Variants in APOOL observed in about 807,000 individuals in gnomAD.
The protein encoded by APOOL is apolipoprotein O like.
In APOOL, 12 loss-of-function variants were observed where a neutral mutation model predicts 23.1. The ratio of observed to expected loss-of-function variants is 0.52; its 90% CI spans 0.33 to 0.84. The LOEUF (loss-of-function observed/expected upper bound fraction) is 0.84. Among genes scored for constraint, APOOL ranks in the 40% least tolerant of loss-of-function variants. APOOL has a pLI of 0.02. For missense variants in APOOL, 212 were observed against 199.6 expected (o/e 1.06, Z -0.37); for synonymous variants, 77 against 69.9 (o/e 1.10, Z -0.51).
intron 1 of APOOL, 61 bp from the exon 2 acceptor site, chrX:85,046,385 T>C: frequency 1.1e-6 from 1 of 945,423 alleles, no homozygotes; most frequent in Non-Finnish European, 1.5e-6. Flanking sequence ...CAGTATTTAT[T>C]AGGAAATGGA....
intron 8 of APOOL, among the ~76,000 whole-genome samples, chrX:85,084,788 T>C (rs1420448059): frequency 4.5e-5 from 5 of 111,942 alleles, no homozygotes; most frequent in African/African-American, 1.6e-4. Flanking sequence ...TTCACCAAAC[T>C]TTGAACAAGA....
intron 2 of APOOL, among the ~76,000 whole-genome samples, chrX:85,047,651 T>A (rs1185649252): frequency 2.7e-5 from 3 of 111,503 alleles, no homozygotes; most frequent in Non-Finnish European, 5.7e-5. Flanking sequence ...TTGAACTTTT[T>A]GGACTCTGTT....
intron 8 of APOOL, among the ~76,000 whole-genome samples, chrX:85,077,628 T>C (rs1374554826): frequency 9.0e-6 from 1 of 111,624 alleles, no homozygotes; most frequent in Non-Finnish European, 1.9e-5. Flanking sequence ...TACCCAGTAA[T>C]GGGATGGCTG....
intron 1 of APOOL, among the ~76,000 whole-genome samples, chrX:85,007,451 G>T (rs914855757): frequency 9.0e-6 from 1 of 111,467 alleles, no homozygotes; most frequent in African/African-American, 3.3e-5. Context: ...TGAGAAAGAA[G>T]AACTAGTTCA....
chrX:85,027,464 C>T (rs772367060), intron 1 of APOOL, among the ~76,000 whole-genome samples: 13 of 111,609 alleles, frequency 1.2e-4, no homozygotes, highest in African/African-American at 3.9e-4. Flanking sequence ...ACTTCACAAC[C>T]CCACTTCACG....
chrX:85,058,705 T>A (rs1156262338), intron 5 of APOOL, among the ~76,000 whole-genome samples: 1 of 111,279 alleles, frequency 9.0e-6, no homozygotes, highest in Non-Finnish European at 1.9e-5. Flanking sequence ...TGTAAAAGTG[T>A]TCGTTTCTCT....
At chrX:85,052,108 C>T (rs1922802859) in intron 3 of APOOL, among the ~76,000 whole-genome samples, 1 of 112,182 alleles carries the variant, frequency 8.9e-6, no homozygotes, top group Admixed American at 9.5e-5. Flanking sequence ...CCTACTCTAC[C>T]ACTACTGCAT....
rs193255610 is a variant in APOOL at position 85,008,402 on chromosome X, C to T, written c.15+4475C>T. Among the ~76,000 whole-genome samples, 90 of 111,729 alleles carry T rather than the reference C, an allele frequency of 8.1e-4. 1 individual carries two copies. Among genetic ancestry groups the T allele is most frequent in the Admixed American group, 2.4e-3 (25 of 10,487 alleles). On this transcript the variant is annotated intron_variant, in intron 1 of 8. Coordinates refer to ENST00000373173, the MANE Select transcript of APOOL (RefSeq NM_198450.6). ...GTGAGTTCAACTTCTCAAAATTCCA[C>T]GTACAAATAAAATCAGGCAGTTTGT...
chrX:85,060,906 T>A (rs1569458419), intron 5 of APOOL, among the ~76,000 whole-genome samples: 1 of 111,292 alleles, frequency 9.0e-6, no homozygotes. Flanking sequence ...GGCCGGAACT[T>A]CCAACACTGT....
chrX:85,042,197 CA>C (rs745811893), intron 1 of APOOL, among the ~76,000 whole-genome samples: 4 of 111,885 alleles, frequency 3.6e-5, no homozygotes, highest in African/African-American at 1.3e-4. Context: ...ATGAAATTTA[CA>C]AACCTTTAGC....
chrX:85,036,896 T>G (rs918892259), intron 1 of APOOL, among the ~76,000 whole-genome samples: 1 of 110,607 alleles, frequency 9.0e-6, no homozygotes. Flanking sequence ...ATTGTTATTA[T>G]GTCTTGCATC....
rs745714662 is a variant in APOOL, at chrX:85,033,148, A to G, written c.16-13298A>G. On this transcript the variant is annotated intron_variant, in intron 1 of 8. Transcript: ENST00000373173. ...GCTTTGTGGGCAGGGTGACATGCTC[A>G]GTGAATCAAAGGCAGCCTTTTTCCA... Among the ~76,000 whole-genome samples the G allele has an allele frequency of 2.9e-4, 32 of 112,193 alleles. 1 individual carries two copies. Among genetic ancestry groups the G allele is most frequent in the Non-Finnish European group, 4.5e-4 (24 of 53,225 alleles).
chrX:85,029,386 G>T (rs1446529125), intron 1 of APOOL, among the ~76,000 whole-genome samples: 1 of 111,770 alleles, frequency 8.9e-6, no homozygotes, highest in Non-Finnish European at 1.9e-5. Context: ...ATACTAAATT[G>T]GTAATAGGTA....
intron 1 of APOOL, among the ~76,000 whole-genome samples, chrX:85,013,200 C>T (rs1242099947): frequency 9.0e-6 from 1 of 111,529 alleles, no homozygotes; most frequent in African/African-American, 3.2e-5. Flanking sequence ...TTCATTTCTA[C>T]GTGAGCTGAT....
chrX:85,017,443 C>T (rs776299723), intron 1 of APOOL, among the ~76,000 whole-genome samples: 11 of 111,893 alleles, frequency 9.8e-5, no homozygotes, highest in Non-Finnish European at 1.7e-4. Flanking sequence ...AACACAAGCG[C>T]GGCTTTCAGG....
chrX:85,015,284 G>A (rs994426596), intron 1 of APOOL, among the ~76,000 whole-genome samples: 1 of 110,434 alleles, frequency 9.1e-6, no homozygotes, highest in African/African-American at 3.3e-5. Flanking sequence ...GTATCTCCTT[G>A]AGTAGTTTAA....
Position 85,074,049 on chromosome X carries a change from A to T in APOOL, c.538A>T (p.Lys180Ter). The T allele has an allele frequency of 8.5e-7, 1 of 1,170,724 alleles. No individual in the cohort carries two copies. Among genetic ancestry groups the T allele is most frequent in the Non-Finnish European group, 1.1e-6 (1 of 874,618 alleles). Residue 180 changes from lysine (K) to a stop codon, truncating the protein, a stop_gained, in exon 7 of 9, where the codon AAA becomes TAA. Coordinates refer to ENST00000373173, the MANE Select transcript of APOOL (RefSeq NM_198450.6). LOFTEE classifies it high-confidence loss of function. Reference protein sequence around the residue: ...ATSQQIFGAVKSLWTKSSKEE... With the variant: ...ATSQQIFGAV ...AAGCCAGCAAATTTTTGGAGCAGTT[A>T]AATCATTGTGGACAAAAAGCAGCAA...
chrX:85,041,218 G>A (rs1212782091), intron 1 of APOOL, among the ~76,000 whole-genome samples: 1 of 111,712 alleles, frequency 9.0e-6, no homozygotes, highest in Non-Finnish European at 1.9e-5. Context: ...GTGAGGAGTA[G>A]CACTGGCAGA....
intron 5 of APOOL, among the ~76,000 whole-genome samples, chrX:85,057,651 T>A: frequency 9.3e-6 from 1 of 107,194 alleles, no homozygotes; most frequent in South Asian, 4.2e-4. Flanking sequence ...ATATATCTCA[T>A]CTGAATGGAT....
Sources: allele counts gnomAD v4.1 joint callset (sites outside exome capture counted in the v4.1 genomes callset), GRCh38; gene constraint gnomAD v4.1.1; transcripts MANE v1.5; gene names NCBI Gene and HGNC (gene_info 2026-07-23, HGNC 2026-07-21).